Variants in PPP6R3 observed in about 807,000 individuals in gnomAD.
PPP6R3 encodes the protein serine/threonine-protein phosphatase 6 regulatory subunit 3.
PPP6R3 carries 38 observed loss-of-function variants against 110.7 expected under a neutral mutation model. The ratio of observed to expected loss-of-function variants is 0.34; its 90% CI spans 0.26 to 0.45. The LOEUF (loss-of-function observed/expected upper bound fraction) is 0.45. Ranked by LOEUF, PPP6R3 falls within the 20% of genes least tolerant of loss-of-function variation. The probability of loss-of-function intolerance (pLI) is 1.00; values close to 1 mark genes in which losing one functional copy is unlikely to be tolerated. For synonymous variants in PPP6R3, 369 were observed against 373.5 expected, an observed-to-expected ratio of 0.99 and a Z score of 0.14; for missense variants, 870 against 1,062.4, an observed-to-expected ratio of 0.82 and a Z score of 2.52.
chr11:68,567,044 C>G lies in PPP6R3; in HGVS notation c.1006C>G (p.Leu336Val). Residue 336 changes from leucine (L) to valine (V), a missense_variant, in exon 10 of 24, where the codon CTG becomes GTG. Physicochemically the swap from Leu to Val is conservative, Grantham distance 32. Coordinates refer to ENST00000393800, the MANE Select transcript of PPP6R3 (RefSeq NM_001164161.2). The stretch of plus-strand genomic sequence containing the variant: ...TGTGATGAAGACCACATGGGGTGTG[C>G]TGGATCCTCCTGTGGGGAATACCCG... ...KSVMKTTWGV[L>V]DPPVGNTRLN... is the part of the protein sequence containing the mutation. The G allele has an allele frequency of 6.4e-7, 1 of 1,551,300 alleles. No homozygotes were observed. The highest frequency in any genetic ancestry group is 8.7e-7 in the Non-Finnish European group (1 of 1,146,814).
chr11:68,556,902 A>G (rs1043743971), intron 7 of PPP6R3, among the ~76,000 whole-genome samples: 1 of 152,194 alleles, frequency 6.6e-6, no homozygotes, highest in Non-Finnish European at 1.5e-5. Flanking sequence ...TTTCTTGTCC[A>G]TTAGTAGAAT....
chr11:68,529,802 G>T (rs1176859810), intron 2 of PPP6R3, among the ~76,000 whole-genome samples: 3 of 152,122 alleles, frequency 2.0e-5, no homozygotes, highest in African/African-American at 7.2e-5. Flanking sequence ...GAAAAACATG[G>T]CCTATAACCT....
chr11:68,609,763 AC>A, intron 22 of PPP6R3, 140 bp from the exon 23 acceptor site: 1 of 1,551,670 alleles, frequency 6.4e-7, no homozygotes, highest in Non-Finnish European at 8.9e-7. Flanking sequence ...GTGATCGTGC[AC>A]CCTGCGCATG....
intron 1 of PPP6R3, among the ~76,000 whole-genome samples, chr11:68,498,812 C>G (rs376463684): frequency 2.0e-5 from 3 of 152,192 alleles, no homozygotes; most frequent in African/African-American, 7.2e-5. Flanking sequence ...CAACAACATA[C>G]GTATGCATTT....
chr11:68,607,905 C>T (rs1385091802), intron 22 of PPP6R3, among the ~76,000 whole-genome samples: 1 of 151,966 alleles, frequency 6.6e-6, no homozygotes, highest in Admixed American at 6.6e-5. Flanking sequence ...TCCCAAGTAG[C>T]TGGAACTACA....
Position 68,587,915 on chromosome 11 carries a change from T to C in PPP6R3, c.1633-12T>C. 1 of 1,608,642 alleles carries C rather than the reference T, an allele frequency of 6.2e-7. No individual in the cohort carries two copies. Among genetic ancestry groups the C allele is most frequent in the Non-Finnish European group, 8.5e-7 (1 of 1,174,936 alleles). On this transcript the variant is annotated splice_polypyrimidine_tract_variant and intron_variant, in intron 15 of 23. Transcript: ENST00000393800. The stretch of plus-strand genomic sequence containing the variant: ...ATCATTATATCACTGTCACTGGTCC[T>C]GGGGTTGCCAGGCCTTTTCTGATTA...
intron 17 of PPP6R3, among the ~76,000 whole-genome samples, 190 bp from the exon 18 acceptor site, chr11:68,591,386 T>C (rs1399831524): frequency 1.3e-5 from 2 of 152,192 alleles, no homozygotes; most frequent in Non-Finnish European, 2.9e-5. Context: ...GGAAACCCAG[T>C]CTTTTTTTAG....
chr11:68,564,196 C>T lies in PPP6R3; in HGVS notation c.846-107C>T, dbSNP rs565157688. The T allele has an allele frequency of 3.4e-4, 408 of 1,187,868 alleles. 8 individuals are homozygous for T. The South Asian group carries it at 6.1e-3, about 18-fold the overall frequency. 73.6% of individuals were successfully genotyped at this position (1,187,868 alleles called of 1,614,324 possible). A position where few individuals can be genotyped will look rare whatever the true frequency, so the allele number is the denominator to read the frequency against. On this transcript the variant is annotated intron_variant, in intron 8 of 23. Coordinates refer to ENST00000393800, the MANE Select transcript of PPP6R3 (RefSeq NM_001164161.2). Reference sequence around the variant, plus strand: ...GCTTTTTTCCTAGCCTTTTTTCCCGCAGCCAGAAAAGTTGATATAATCATT... The same window carrying T: ...GCTTTTTTCCTAGCCTTTTTTCCCGTAGCCAGAAAAGTTGATATAATCATT...
rs775861257 is a variant in PPP6R3, at chr11:68,603,329, G to C, written c.2300-13G>C. On this transcript the variant is annotated splice_polypyrimidine_tract_variant and intron_variant, in intron 21 of 23. Coordinates refer to ENST00000393800, the MANE Select transcript of PPP6R3 (RefSeq NM_001164161.2). ...GGCTTGCTGTGTGTGACCATCAGCT[G>C]TGTTCTTTTCAGCGGCAGGCAGTGT... The C allele has an allele frequency of 6.2e-7, 1 of 1,613,472 alleles. No homozygotes were observed. The highest frequency in any genetic ancestry group is 8.5e-7 in the Non-Finnish European group (1 of 1,179,872).
intron 1 of PPP6R3, among the ~76,000 whole-genome samples, chr11:68,467,986 C>T (rs1161247939): frequency 6.6e-6 from 1 of 152,128 alleles, no homozygotes; most frequent in Non-Finnish European, 1.5e-5. Flanking sequence ...GTTGGCCAGG[C>T]TGGTCTCAAA....
At chr11:68,589,059 A>G (rs2099587734) in intron 16 of PPP6R3, among the ~76,000 whole-genome samples, 1 of 151,810 alleles carries the variant, frequency 6.6e-6, no homozygotes, top group Non-Finnish European at 1.5e-5. Flanking sequence ...ATACAAAAAC[A>G]ATAGCCAGGC....
intron 3 of PPP6R3, among the ~76,000 whole-genome samples, chr11:68,539,067 A>T (rs1362354996): frequency 6.6e-6 from 1 of 152,188 alleles, no homozygotes; most frequent in Non-Finnish European, 1.5e-5. Flanking sequence ...CAGACCTACT[A>T]GTGTGCTGTC....
intron 15 of PPP6R3, chr11:68,587,587 C>A: frequency 2.8e-6 from 1 of 358,022 alleles, no homozygotes; most frequent in African/African-American, 2.1e-5. Context: ...GTGACTGATA[C>A]ACCTTATAAT....
In PPP6R3 at chr11:68,476,335, C is replaced by T. The variant is rs915527699; in HGVS notation, c.-158+15508C>T. 7.2e-4 allele frequency among the ~76,000 whole-genome samples: 110 copies of T among 152,212 alleles called. 1 individual carries two copies. The highest frequency in any genetic ancestry group is 2.4e-3 in the African/African-American group (99 of 41,540). On this transcript the variant is annotated intron_variant, in intron 1 of 23. Coordinates refer to ENST00000393800, the MANE Select transcript of PPP6R3 (RefSeq NM_001164161.2). ...AAAACCAGTCAGGCGTGGCGGCGCA[C>T]GCCTGCAATCGCAGGCACTGGGCAG...
At chr11:68,484,365 A>C (rs1249489011) in intron 1 of PPP6R3, among the ~76,000 whole-genome samples, 2 of 152,110 alleles carry the variant, frequency 1.3e-5, no homozygotes, top group Admixed American at 6.5e-5. Flanking sequence ...CATTGTTGAC[A>C]GTGTTTGGTG....
In PPP6R3 at chr11:68,614,310, A is replaced by G. The variant is rs762056496; in HGVS notation, c.*1193A>G. 529 of 1,059,558 alleles carry G rather than the reference A, an allele frequency of 5.0e-4. 2 individuals are homozygous for G. Among genetic ancestry groups the G allele is most frequent in the Non-Finnish European group, 5.9e-4 (516 of 877,032 alleles). The allele number at this position is 1,059,558 out of a possible 1,614,324, so 65.6% of individuals were successfully genotyped here. On this transcript the variant is annotated 3_prime_UTR_variant, in exon 24 of 24. Transcript: ENST00000393800. The stretch of plus-strand genomic sequence containing the variant: ...TAATTTTCTATGTCAATACAAAAAT[A>G]CATCACAGCCTTCTCAAACAGCTCA...
At chr11:68,518,709 A>C (rs1042487929) in intron 1 of PPP6R3, among the ~76,000 whole-genome samples, 15 of 152,220 alleles carry the variant, frequency 9.9e-5, no homozygotes, top group African/African-American at 3.6e-4. Flanking sequence ...ATTGATTTTA[A>C]CAAATGTTTA....
chr11:68,497,719 A>G (rs1438698761), intron 1 of PPP6R3, among the ~76,000 whole-genome samples: 2 of 151,884 alleles, frequency 1.3e-5, no homozygotes, highest in Admixed American at 6.6e-5. Context: ...TTTTCTTTTC[A>G]CTTCTTGATG....
intron 1 of PPP6R3, among the ~76,000 whole-genome samples, chr11:68,502,505 G>A (rs1336761206): frequency 6.6e-6 from 1 of 152,184 alleles, no homozygotes; most frequent in Non-Finnish European, 1.5e-5. Flanking sequence ...AGGGGCCAGA[G>A]GAGACTGGGA....
Sources: allele counts gnomAD v4.1 joint callset (sites outside exome capture counted in the v4.1 genomes callset), GRCh38; gene constraint gnomAD v4.1.1; transcripts MANE v1.5; gene names NCBI Gene and HGNC (gene_info 2026-07-23, HGNC 2026-07-21).